Variants in SIGLEC7 observed in about 807,000 individuals in gnomAD.
SIGLEC7 encodes sialic acid-binding Ig-like lectin 7.
Under a neutral mutation model 40.8 loss-of-function variants are expected in SIGLEC7, and 33 were observed. That is an observed-to-expected ratio of 0.81 (90% CI 0.61 to 1.08). SIGLEC7 has a LOEUF of 1.08. Among genes scored for constraint, SIGLEC7 ranks in the 50% least tolerant of loss-of-function variants. The pLI is 0.00. For synonymous variants in SIGLEC7, 242 were observed against 237.6 expected, an observed-to-expected ratio of 1.02 and a Z score of -0.17; for missense variants, 513 against 576.1, an observed-to-expected ratio of 0.89 and a Z score of 1.12.
Position 51,144,636 on chromosome 19 carries a change from C to T in SIGLEC7, c.664C>T (p.Pro222Ser). The T allele has an allele frequency of 6.2e-7, 1 of 1,613,932 alleles. No individual in the cohort carries two copies. Among genetic ancestry groups the T allele is most frequent in the Non-Finnish European group, 8.5e-7 (1 of 1,180,006 alleles). Residue 222 changes from proline (P) to serine (S), a missense_variant, in exon 2 of 7, where the codon CCT (proline) becomes TCT (serine). Pro to Ser is a moderately conservative substitution (Grantham distance 74). Transcript: ENST00000317643. ...CAGCCTCACCTGTCAGGTGACCTTGCCTGGGGCCGGCGTGACCACGAACAG... is the reference window on the plus strand; with the variant it reads ...CAGCCTCACCTGTCAGGTGACCTTGTCTGGGGCCGGCGTGACCACGAACAG... ...GTSLTCQVTLPGAGVTTNRTI... is the reference protein window; with the variant it reads ...GTSLTCQVTLSGAGVTTNRTI...
chr19:51,146,258 G>C (rs2092107870), intron 4 of SIGLEC7, 137 bp downstream of exon 4: 4 of 1,167,292 alleles, frequency 3.4e-6, no homozygotes, highest in Non-Finnish European at 4.9e-6. Context: ...CTGCAACCCA[G>C]GGCACTGCTG....
At chr19:51,149,013 GTTGTTTTTCTC>G (rs1267225700) in intron 6 of SIGLEC7, among the ~76,000 whole-genome samples, 1 of 152,142 alleles carries the variant, frequency 6.6e-6, no homozygotes, top group African/African-American at 2.4e-5. Flanking sequence ...TTTTAATGGG[GTTGTTTTTCTC>G]TTGTAAATTT....
chr19:51,146,006 G>GCAA lies in SIGLEC7; in HGVS notation c.912_913insCAA (p.Leu304_Val305insGln). On this transcript the variant is annotated inframe_insertion, in exon 4 of 7. Coordinates refer to ENST00000317643, the MANE Select transcript of SIGLEC7 (RefSeq NM_014385.4). ...ACCCCTCACAGCCCTCAAACCCTCT[G>GCAA]GTACTGGAGCTGCAAGTGCACCTGG... 1 of 1,614,192 alleles carries GCAA rather than the reference G, an allele frequency of 6.2e-7. No individual in the cohort carries two copies. The highest frequency in any genetic ancestry group is 8.5e-7 in the Non-Finnish European group (1 of 1,180,034).
chr19:51,152,194 T>C (rs1310305638), intron 6 of SIGLEC7, among the ~76,000 whole-genome samples: 3 of 152,056 alleles, frequency 2.0e-5, no homozygotes, highest in Non-Finnish European at 2.9e-5. Context: ...TTGGCTCAAG[T>C]CCCTTCCTCT....
chr19:51,144,925 C>T lies in SIGLEC7; in HGVS notation c.726C>T (p.Asn242=). 2 of 1,614,142 alleles carry T rather than the reference C, an allele frequency of 1.2e-6. No individual in the cohort carries two copies. Among genetic ancestry groups the T allele is most frequent in the Non-Finnish European group, 1.7e-6 (2 of 1,179,978 alleles). Residue 242 remains asparagine, a synonymous_variant, in exon 3 of 7, where the codon AAC becomes AAT. Transcript: ENST00000317643. The part of the protein sequence containing the change: ...IQLNVSYPPQ[N]LTVTVFQGEG... ...TTTCTGTCCCAGACCCTCCTCAGAA[C>T]TTGACTGTGACTGTCTTCCAAGGAG...
rs747227482 is a variant in SIGLEC7 at position 51,144,629 on chromosome 19, G to C, written c.657G>C (p.Val219=). 1.2e-6 allele frequency: 2 copies of C among 1,613,974 alleles called. No individual in the cohort carries two copies. Among genetic ancestry groups the C allele is most frequent in the South Asian group, 2.2e-5 (2 of 91,090 alleles). Residue 219 remains valine (V), a synonymous_variant, in exon 2 of 7, where the codon GTG becomes GTC. Coordinates refer to ENST00000317643, the MANE Select transcript of SIGLEC7 (RefSeq NM_014385.4). ...ACGGCACCAGCCTCACCTGTCAGGT[G>C]ACCTTGCCTGGGGCCGGCGTGACCA... ...QHHGTSLTCQ[V]TLPGAGVTTN... is the part of the protein sequence containing the mutation.
chr19:51,147,289 C>T lies in SIGLEC7; in HGVS notation c.1193C>T (p.Ala398Val). The change falls in exon 6 of 7, where the codon GCA becomes GTA. Residue 398 changes from alanine (A) to valine (V), a missense_variant. Physicochemically the swap from Ala to Val is moderately conservative, Grantham distance 64. Coordinates refer to ENST00000317643, the MANE Select transcript of SIGLEC7 (RefSeq NM_014385.4). ...ADVGDIGMKD[A>V]NTIRGSASQG... ...GTGGGAGACATAGGCATGAAGGATGCAAACACCATCAGGGGCTCAGCCTCT... is the reference window on the plus strand; with the variant it reads ...GTGGGAGACATAGGCATGAAGGATGTAAACACCATCAGGGGCTCAGCCTCT... The T allele has an allele frequency of 6.2e-7, 1 of 1,611,472 alleles. No homozygotes were observed. Among genetic ancestry groups the T allele is most frequent in the Non-Finnish European group, 8.5e-7 (1 of 1,178,326 alleles).
At position 51,142,561 on chromosome 19, in the gene SIGLEC7, C is replaced by G. The variant is rs777412160; in HGVS notation, c.192C>G (p.Tyr64Ter). The G allele has an allele frequency of 3.7e-6, 6 of 1,614,050 alleles. No individual in the cohort carries two copies. Among genetic ancestry groups the G allele is most frequent in the African/African-American group, 2.7e-5 (2 of 74,910 alleles). ...CTGACTCTGACCCAGTTCATGGCTACTGGTTCCGGGCAGGGAATGATATAA... is the reference window on the plus strand; with the variant it reads ...CTGACTCTGACCCAGTTCATGGCTAGTGGTTCCGGGCAGGGAATGATATAA... ...SQTDSDPVHG[Y>*]WFRAGNDISW... Residue 64 changes from tyrosine (Y) to a stop codon, truncating the protein, a stop_gained, in exon 1 of 7, where the codon TAC (tyrosine) becomes TAG (stop). Transcript: ENST00000317643. LOFTEE classifies it high-confidence loss of function. This position sits in a 1 kb window ranked among gnomAD's most constrained non-coding sequence, Gnocchi z 5.0.
rs2092101693 is a variant in SIGLEC7 at position 51,145,582 on chromosome 19, T to C, written c.761-273T>C. On this transcript the variant is annotated intron_variant, in intron 3 of 6. Coordinates refer to ENST00000317643, the MANE Select transcript of SIGLEC7 (RefSeq NM_014385.4). This position sits in a 1 kb window ranked among gnomAD's most constrained non-coding sequence, Gnocchi z 4.3. ...GAACACTGCAATGAATAATGTTGTA[T>C]CTACTCCCACAAGGAATATCTAAGT... Among the ~76,000 whole-genome samples the C allele has an allele frequency of 6.6e-6, 1 of 152,230 alleles. No individual in the cohort carries two copies. Among genetic ancestry groups the C allele is most frequent in the Admixed American group, 6.5e-5 (1 of 15,288 alleles).
At chr19:51,147,833 T>A (rs2092119906) in intron 6 of SIGLEC7, among the ~76,000 whole-genome samples, 1 of 152,194 alleles carries the variant, frequency 6.6e-6, no homozygotes, top group South Asian at 2.1e-4. Flanking sequence ...AAAGGCCAGA[T>A]AGGAAATATT....
Position 51,145,009 on chromosome 19 carries a change from A to C in SIGLEC7, c.760+50A>C. 10 of 1,565,932 alleles carry C rather than the reference A, an allele frequency of 6.4e-6. No individual in the cohort carries two copies. Among genetic ancestry groups the C allele is most frequent in the Non-Finnish European group, 8.8e-6 (10 of 1,136,346 alleles). On this transcript the variant is annotated intron_variant, in intron 3 of 6. Coordinates refer to ENST00000317643, the MANE Select transcript of SIGLEC7 (RefSeq NM_014385.4). The surrounding 1 kb of genome is among the most constrained non-coding windows in gnomAD (Gnocchi z 4.3). ...GCTGGGGGAGCAGGGCCTTCAGCTC[A>C]GGGCAGGGCCAGGTCCCTCCTCATC... is the stretch of plus-strand genomic sequence containing the variant.
intron 5 of SIGLEC7, 92 bp downstream of exon 5, chr19:51,146,942 G>A (rs2092112430): frequency 2.3e-6 from 3 of 1,307,470 alleles, no homozygotes; most frequent in South Asian, 2.6e-5. Context: ...GGGACTGCAT[G>A]GGTCAAGAGC....
intron 6 of SIGLEC7, among the ~76,000 whole-genome samples, chr19:51,150,981 T>A (rs528070933): frequency 9.2e-5 from 14 of 152,244 alleles, no homozygotes; most frequent in African/African-American, 3.4e-4. Flanking sequence ...CAGGGTGGTA[T>A]AGCTGTAGAC....
chr19:51,153,460 C>T lies in SIGLEC7; in HGVS notation c.*215C>T, dbSNP rs1307464550. The stretch of plus-strand genomic sequence containing the variant: ...TCCCCGCCCTGGCCTCTGGTACCCA[C>T]CATTCTCCTCTGTACTTCTCTAAGG... On this transcript the variant is annotated 3_prime_UTR_variant, in exon 7 of 7. Coordinates refer to ENST00000317643, the MANE Select transcript of SIGLEC7 (RefSeq NM_014385.4). 2 of 369,826 alleles carry T rather than the reference C, an allele frequency of 5.4e-6. No individual in the cohort carries two copies. The highest frequency in any genetic ancestry group is 4.1e-5 in the East Asian group (1 of 24,426). The allele number at this position is 369,826 out of a possible 1,614,324, so 22.9% of individuals were successfully genotyped here. A position where few individuals can be genotyped will look rare whatever the true frequency, so the allele number is the denominator to read the frequency against.
Position 51,145,927 on chromosome 19 carries a change from T to C in SIGLEC7, c.833T>C (p.Val278Ala). The C allele has an allele frequency of 6.2e-7, 1 of 1,614,234 alleles. No individual in the cohort carries two copies. Among genetic ancestry groups the C allele is most frequent in the Non-Finnish European group, 8.5e-7 (1 of 1,180,046 alleles). ...EGQSLRLVCAVDSNPPARLSW... is the reference protein window; with the variant it reads ...EGQSLRLVCAADSNPPARLSW... Reference sequence around the variant, plus strand: ...CAGTCTCTGCGCTTGGTCTGTGCTGTTGACAGCAATCCCCCTGCCAGGCTG... The same window carrying C: ...CAGTCTCTGCGCTTGGTCTGTGCTGCTGACAGCAATCCCCCTGCCAGGCTG... The change falls in exon 4 of 7, where the codon GTT (valine) becomes GCT (alanine). Residue 278 changes from valine (V) to alanine (A), a missense_variant. Transcript: ENST00000317643. This position sits in a 1 kb window ranked among gnomAD's most constrained non-coding sequence, Gnocchi z 4.3.
chr19:51,147,634 A>G (rs2092118066), intron 6 of SIGLEC7, among the ~76,000 whole-genome samples: 1 of 151,302 alleles, frequency 6.6e-6, no homozygotes, highest in East Asian at 1.9e-4. Flanking sequence ...ACCCCCACCA[A>G]TCCTAAACTC....
In SIGLEC7 at chr19:51,144,893, C is replaced by T. The variant is rs2092097216; in HGVS notation, c.713-19C>T. On this transcript the variant is annotated intron_variant, in intron 2 of 6. Coordinates refer to ENST00000317643, the MANE Select transcript of SIGLEC7 (RefSeq NM_014385.4). ...CCAGCCCTCACAGTGATGCAGGTCTCCATGTCTTTCTGTCCCAGACCCTCC... is the reference window on the plus strand; with the variant it reads ...CCAGCCCTCACAGTGATGCAGGTCTTCATGTCTTTCTGTCCCAGACCCTCC... 1.2e-6 allele frequency: 2 copies of T among 1,613,762 alleles called. No individual in the cohort carries two copies. Among genetic ancestry groups the T allele is most frequent in the South Asian group, 1.1e-5 (1 of 91,070 alleles).
chr19:51,146,785 G>A lies in SIGLEC7; in HGVS notation c.1059G>A (p.Leu353=), dbSNP rs749491784. 5 of 1,613,812 alleles carry A rather than the reference G, an allele frequency of 3.1e-6. No homozygotes were observed. The East Asian group carries it at 6.7e-5, about 22-fold the overall frequency. Reference sequence around the variant, plus strand: ...TGAGGCCTGTATCAGGAGTGTTGCTGGGGGCGGTCGGGGGAGCTGGAGCCA... The same window carrying A: ...TGAGGCCTGTATCAGGAGTGTTGCTAGGGGCGGTCGGGGGAGCTGGAGCCA... The part of the protein sequence containing the change: ...GKMRPVSGVL[L]GAVGGAGATA... The change falls in exon 5 of 7, where the codon CTG becomes CTA. Residue 353 remains leucine, a synonymous_variant. Transcript: ENST00000317643.
chr19:51,144,551 C>G lies in SIGLEC7; in HGVS notation c.579C>G (p.His193Gln). Residue 193 changes from histidine to glutamine, a missense_variant, in exon 2 of 7, where the codon CAC becomes CAG. Physicochemically the swap from His to Gln is conservative, Grantham distance 24 (BLOSUM62 0). Coordinates refer to ENST00000317643, the MANE Select transcript of SIGLEC7 (RefSeq NM_014385.4). ...TGGGGACCTCTGTGTCCCCCCTGCA[C>G]CCCTCCACCACCCGCTCCTCAGTGC... The part of the protein sequence containing the change: ...SWMGTSVSPL[H>Q]PSTTRSSVLT... 1.2e-6 allele frequency: 2 copies of G among 1,613,840 alleles called. No homozygotes were observed.
Sources: allele counts gnomAD v4.1 joint callset (sites outside exome capture counted in the v4.1 genomes callset), GRCh38; gene constraint gnomAD v4.1.1; non-coding constraint Gnocchi (gnomAD v3.1); transcripts MANE v1.5; gene names NCBI Gene and HGNC (gene_info 2026-07-23, HGNC 2026-07-21).